The following RDH8 variants were observed in gnomAD, a reference collection of about 807,000 sequenced individuals.
RDH8 encodes the protein retinol dehydrogenase 8.
In RDH8, 14 loss-of-function variants were observed where a neutral mutation model predicts 22.3. The ratio of observed to expected loss-of-function variants is 0.63; its 90% confidence interval spans 0.42 to 0.98. The LOEUF (loss-of-function observed/expected upper bound fraction) is 0.98. Ranked by LOEUF, RDH8 falls within the 50% of genes least tolerant of loss-of-function variation. The probability of loss-of-function intolerance (pLI) is 0.00; values close to 1 mark genes in which losing one functional copy is unlikely to be tolerated. For missense variants in RDH8, 389 were observed against 409.8 expected (o/e 0.95, Z 0.44); for synonymous variants, 175 against 171.7 (o/e 1.02, Z -0.15).
At chr19:10,016,400 C>A (rs1026727692) in intron 1 of RDH8, among the ~76,000 whole-genome samples, 8 of 151,624 alleles carry the variant, frequency 5.3e-5, no homozygotes, top group African/African-American at 1.9e-4. Context: ...CGTGATCTGC[C>A]CACCTCGGCC....
rs542025894 is a variant in RDH8, at chr19:10,021,739, G to C, written c.926G>C (p.Arg309Pro). 2 of 1,613,404 alleles carry C rather than the reference G, an allele frequency of 1.2e-6. No homozygotes were observed. The highest frequency in any genetic ancestry group is 1.7e-6 in the Non-Finnish European group (2 of 1,179,986). Reference protein sequence around the residue: ...LSCGCLPTRVRPR With the variant: ...LSCGCLPTRVPPR ...TGCGGCTGCCTCCCAACGCGGGTGC[G>C]GCCAAGATGAGCAGAACAGAGCTTC... The change falls in exon 6 of 6, where the codon CGG (arginine) becomes CCG (proline). Residue 309 changes from arginine (R) to proline (P), a missense_variant. Coordinates refer to ENST00000591589, the MANE Select transcript of RDH8 (RefSeq NM_015725.4).
rs142753796 is a variant in RDH8 at position 10,021,682 on chromosome 19, G to A, written c.869G>A (p.Arg290His). 128 of 1,614,042 alleles carry A rather than the reference G, an allele frequency of 7.9e-5. 1 individual carries two copies. In the African/African-American group the frequency reaches 1.0e-3, roughly 13 times the overall value. ...CACCGCCTCCTCTTCCGCTGTCCAC[G>A]CCTCCTCAACCTTGGCCTTCAATGT... is the stretch of plus-strand genomic sequence containing the variant. ...TTHRLLFRCP[R>H]LLNLGLQCLS... The change falls in exon 6 of 6, where the codon CGC becomes CAC. Residue 290 changes from arginine (R) to histidine (H), a missense_variant. Transcript: ENST00000591589.
intron 1 of RDH8, among the ~76,000 whole-genome samples, chr19:10,015,490 C>T (rs1440034979): frequency 6.6e-6 from 1 of 151,972 alleles, no homozygotes; most frequent in East Asian, 1.9e-4. Context: ...ATTAGCCAGG[C>T]ATGGTGGCAG....
rs1360388947 is a variant in RDH8, at chr19:10,022,027, C to G, written c.*278C>G. ...TCTCTGGGAAAGCAAGGGAGGCTTC[C>G]TGGAGGAAGCGGCATTGTTATGAGC... On this transcript the variant is annotated 3_prime_UTR_variant, in exon 6 of 6. Transcript: ENST00000591589. The G allele has an allele frequency of 4.3e-6, 2 of 470,576 alleles. No individual in the cohort carries two copies. Among genetic ancestry groups the G allele is most frequent in the Non-Finnish European group, 7.7e-6 (2 of 259,858 alleles). The allele number at this position is 470,576 out of a possible 1,614,324, so 29.2% of individuals were successfully genotyped here. A position where few individuals can be genotyped will look rare whatever the true frequency, so the allele number is the denominator to read the frequency against.
At chr19:10,019,342 T>TGTTCAGAAGGATTCTGAA (rs1293419354) in intron 3 of RDH8, among the ~76,000 whole-genome samples, 5 of 151,976 alleles carry the variant, frequency 3.3e-5, no homozygotes, top group Non-Finnish European at 7.4e-5. Flanking sequence ...TGGAGAATTG[T>TGTTCAGAAGGATTCTGAA]GTTCAGAAGG....
intron 1 of RDH8, 142 bp from the exon 2 acceptor site, chr19:10,016,915 T>C (rs2087622574): frequency 1.2e-6 from 1 of 851,484 alleles, no homozygotes; most frequent in African/African-American, 1.7e-5. Context: ...GTGCACTTGT[T>C]GGCTGAGTGA....
chr19:10,019,597 A>T (rs1415992949), intron 3 of RDH8, among the ~76,000 whole-genome samples: 1 of 151,568 alleles, frequency 6.6e-6, no homozygotes, highest in East Asian at 1.9e-4. Context: ...TCAGGAGTTC[A>T]AGACCAGCCT....
chr19:10,016,216 G>A (rs1007855931), intron 1 of RDH8, among the ~76,000 whole-genome samples: 2 of 150,498 alleles, frequency 1.3e-5, no homozygotes, highest in African/African-American at 2.4e-5. Context: ...GCGCTATCTC[G>A]GCTCACTGCA....
intron 1 of RDH8, among the ~76,000 whole-genome samples, chr19:10,016,219 T>C (rs2145165190): frequency 6.6e-6 from 1 of 151,204 alleles, no homozygotes; most frequent in South Asian, 2.1e-4. Flanking sequence ...CTATCTCGGC[T>C]CACTGCAAGC....
chr19:10,020,358 G>GAGGGAGGGAGCGAGGGAGGAAGGA lies in RDH8; in HGVS notation c.443-348_443-347insGAGGGAGCGAGGGAGGAAGGAAGG, dbSNP rs760823041. On this transcript the variant is annotated intron_variant, in intron 3 of 5. Transcript: ENST00000591589. ...GGAAGGAAGGAGGGAGGGAGGGAGG[G>GAGGGAGGGAGCGAGGGAGGAAGGA]AGGAAGGAAGGAAGGGAGGGAGGAA... Among the ~76,000 whole-genome samples, 5 of 134,042 alleles carry GAGGGAGGGAGCGAGGGAGGAAGGA rather than the reference G, an allele frequency of 3.7e-5. 1 individual carries two copies. The highest frequency in any genetic ancestry group is 8.0e-5 in the Non-Finnish European group (5 of 62,758). 87.9% of individuals were successfully genotyped at this position (134,042 alleles called of 152,430 possible).
rs776534024 is a variant in RDH8, at chr19:10,018,753, G to T, written c.285G>T (p.Leu95=). The stretch of plus-strand genomic sequence containing the variant: ...TAGTGAATAATGCTGGAATGGGCCT[G>T]GTGGGGCCCCTGGAGGGGCTCAGCC... ...DVLVNNAGMG[L]VGPLEGLSLA... The change falls in exon 3 of 6, where the codon CTG becomes CTT. Residue 95 remains leucine, a synonymous_variant. Transcript: ENST00000591589. 1 of 1,611,412 alleles carries T rather than the reference G, an allele frequency of 6.2e-7. No individual in the cohort carries two copies. Among genetic ancestry groups the T allele is most frequent in the Admixed American group, 1.7e-5 (1 of 59,738 alleles).
At chr19:10,017,281 C>T in intron 2 of RDH8, 66 bp downstream of exon 2, 2 of 1,422,356 alleles carry the variant, frequency 1.4e-6, no homozygotes, top group Non-Finnish European at 1.9e-6. Flanking sequence ...CTCAATATGG[C>T]AAGGTCTGAG....
intron 1 of RDH8, among the ~76,000 whole-genome samples, chr19:10,014,729 G>T (rs1398024767): frequency 6.6e-6 from 1 of 152,082 alleles, no homozygotes; most frequent in African/African-American, 2.4e-5. Context: ...AATAGACAAG[G>T]TTTCACCATG....
intron 1 of RDH8, among the ~76,000 whole-genome samples, chr19:10,016,302 A>C (rs1043770533): frequency 3.0e-5 from 4 of 132,958 alleles, no homozygotes; most frequent in South Asian, 2.6e-4. Context: ...GCCTGCCACC[A>C]CGCCAGGCTA....
chr19:10,014,385 G>A (rs1446415709), intron 1 of RDH8, among the ~76,000 whole-genome samples: 1 of 152,154 alleles, frequency 6.6e-6, no homozygotes, highest in Non-Finnish European at 1.5e-5. Context: ...CCTATGGGCG[G>A]GCAGATGGGT....
chr19:10,018,281 A>T (rs887677242), intron 2 of RDH8, among the ~76,000 whole-genome samples: 1 of 152,156 alleles, frequency 6.6e-6, no homozygotes, highest in Non-Finnish European at 1.5e-5. Flanking sequence ...AATATTAGAG[A>T]CACTAGTAAC....
chr19:10,018,011 T>C (rs1181612239), intron 2 of RDH8, among the ~76,000 whole-genome samples: 1 of 151,968 alleles, frequency 6.6e-6, no homozygotes, highest in East Asian at 1.9e-4. Context: ...AATGGCGCAA[T>C]CTCAGCTCAC....
Position 10,018,831 on chromosome 19 carries a change from C to T in RDH8, c.363C>T (p.Leu121=), listed in dbSNP as rs557842795. Residue 121 remains leucine, a synonymous_variant, in exon 3 of 6, where the codon CTC becomes CTT. Transcript: ENST00000591589. ...CCAACTTTTTCGGAGCTGTCCGTCT[C>T]GTCAAAGCTGTGCTTCCAGGCATGA... ...FDTNFFGAVR[L]VKAVLPGMKR... 3.8e-4 allele frequency: 621 copies of T among 1,613,938 alleles called. 13 individuals carry two copies. In the South Asian group the frequency reaches 6.4e-3, roughly 17 times the overall value.
intron 1 of RDH8, among the ~76,000 whole-genome samples, chr19:10,015,031 C>T (rs1215128104): frequency 1.3e-5 from 2 of 152,138 alleles, no homozygotes; most frequent in East Asian, 1.9e-4. Flanking sequence ...CACACTGACC[C>T]GAAGACAAGA....
Sources: gnomAD v4.1 joint callset for allele counts (sites outside exome capture counted in the v4.1 genomes callset) on GRCh38, gnomAD v4.1.1 for gene constraint, MANE v1.5 for transcripts, NCBI Gene and HGNC (gene_info 2026-07-23, HGNC 2026-07-21) for gene names.